The following SORCS2 variants were observed in gnomAD, a reference collection of about 807,000 sequenced individuals.
SORCS2 encodes sortilin related VPS10 domain containing receptor 2.
SORCS2 carries 100 observed loss-of-function variants against 141.6 expected under a neutral mutation model. The ratio of observed to expected loss-of-function variants is 0.71; its 90% CI spans 0.60 to 0.83. SORCS2 has a LOEUF of 0.83. SORCS2 is among the 40% of genes least tolerant of loss of function. The pLI, the probability that SORCS2 is intolerant of heterozygous loss-of-function variation, is 0.00. For synonymous variants in SORCS2, 789 were observed against 676.9 expected (o/e 1.17, Z -2.57); for missense variants, 1,646 against 1,560.2 (o/e 1.05, Z -0.93).
chr4:7,654,869 C>T (rs1028923012), intron 5 of SORCS2, among the ~76,000 whole-genome samples: 2 of 152,186 alleles, frequency 1.3e-5, no homozygotes, highest in Non-Finnish European at 2.9e-5. Flanking sequence ...CCACTGGGGG[C>T]CCCTGTGTTC....
chr4:7,355,588 G>C (rs531588833), intron 1 of SORCS2, among the ~76,000 whole-genome samples: 17 of 152,246 alleles, frequency 1.1e-4, no homozygotes, highest in African/African-American at 3.9e-4. Context: ...CACTTCTCCT[G>C]TGTGGGTCCG....
intron 18 of SORCS2, among the ~76,000 whole-genome samples, chr4:7,723,478 C>G (rs898054031): frequency 6.6e-6 from 1 of 152,192 alleles, no homozygotes; most frequent in Non-Finnish European, 1.5e-5. Context: ...TGGCCACAGC[C>G]CCTAGTTAAA....
chr4:7,445,354 T>G (rs1250243007), intron 2 of SORCS2, among the ~76,000 whole-genome samples: 1 of 151,490 alleles, frequency 6.6e-6, no homozygotes, highest in African/African-American at 2.4e-5. Flanking sequence ...GGAGCCAGGG[T>G]TGATGGGGGA....
intron 1 of SORCS2, among the ~76,000 whole-genome samples, chr4:7,219,657 C>T (rs1728578502): frequency 6.6e-6 from 1 of 152,216 alleles, no homozygotes; most frequent in African/African-American, 2.4e-5. Context: ...AACTCACTCA[C>T]TAATCCGAGA....
intron 1 of SORCS2, among the ~76,000 whole-genome samples, chr4:7,317,309 A>G (rs1409117219): frequency 1.3e-5 from 2 of 152,218 alleles, no homozygotes; most frequent in East Asian, 3.9e-4. Context: ...AAGACCCAAA[A>G]GATGAATAAG....
intron 5 of SORCS2, among the ~76,000 whole-genome samples, chr4:7,659,916 GA>G (rs1722041125): frequency 6.6e-6 from 1 of 152,200 alleles, no homozygotes; most frequent in Admixed American, 6.5e-5. Context: ...TGTTGCTTTG[GA>G]AATGACAGAA....
intron 1 of SORCS2, among the ~76,000 whole-genome samples, chr4:7,259,384 A>G (rs1421931015): frequency 6.6e-6 from 1 of 152,202 alleles, no homozygotes; most frequent in Non-Finnish European, 1.5e-5. Context: ...CACATTCTCA[A>G]GCACAGATAG....
At chr4:7,533,561 A>C (rs1711845143) in intron 3 of SORCS2, among the ~76,000 whole-genome samples, 1 of 152,090 alleles carries the variant, frequency 6.6e-6, no homozygotes, top group Non-Finnish European at 1.5e-5. Context: ...CTTTCTGGTC[A>C]CCAGCTGGGA....
At chr4:7,257,473 G>C (rs1283541780) in intron 1 of SORCS2, among the ~76,000 whole-genome samples, 1 of 152,124 alleles carries the variant, frequency 6.6e-6, no homozygotes, top group Non-Finnish European at 1.5e-5. Flanking sequence ...CATCGCGATG[G>C]TCACAGTGGC....
chr4:7,496,569 G>A (rs1160804867), intron 2 of SORCS2, among the ~76,000 whole-genome samples: 1 of 143,214 alleles, frequency 7.0e-6, no homozygotes, highest in African/African-American at 2.5e-5. Context: ...AATCAGTTGA[G>A]GGGAAAATGT....
At chr4:7,434,853 G>C (rs1417456320) in intron 2 of SORCS2, 1 of 1,583,432 alleles carries the variant, frequency 6.3e-7, no homozygotes, top group Non-Finnish European at 8.6e-7. Flanking sequence ...CCAGGAGGCT[G>C]GGCAGGAGGA....
rs1243339783 is a variant in SORCS2 at position 7,233,558 on chromosome 4, G to A, written c.480+40432G>A. 1.7e-4 allele frequency among the ~76,000 whole-genome samples: 26 copies of A among 152,194 alleles called. No individual in the cohort carries two copies. Among genetic ancestry groups the A allele is most frequent in the Admixed American group, 1.7e-3 (26 of 15,288 alleles). On this transcript the variant is annotated intron_variant, in intron 1 of 26. Transcript: ENST00000507866. This position sits in a 1 kb window ranked among gnomAD's most constrained non-coding sequence, Gnocchi z 4.5. ...GACACTGGCAGCTGTGGTGGTGGGT[G>A]GACGGGGTGGGTGCTGGGACGAGGA...
At chr4:7,441,279 A>G (rs997403225) in intron 2 of SORCS2, among the ~76,000 whole-genome samples, 1 of 152,014 alleles carries the variant, frequency 6.6e-6, no homozygotes, top group Non-Finnish European at 1.5e-5. Context: ...AAAGAGCCGC[A>G]CCCCAGGTGA....
chr4:7,563,778 C>A (rs944735669), intron 3 of SORCS2, among the ~76,000 whole-genome samples: 1 of 152,202 alleles, frequency 6.6e-6, no homozygotes, highest in African/African-American at 2.4e-5. Flanking sequence ...GCTTGTTTAT[C>A]TCATGTGCAC....
At chr4:7,359,116 C>T (rs368246040) in intron 1 of SORCS2, among the ~76,000 whole-genome samples, 10 of 152,232 alleles carry the variant, frequency 6.6e-5, no homozygotes, top group South Asian at 6.2e-4. Flanking sequence ...GCCAACATGG[C>T]GAAATCCTGC....
intron 2 of SORCS2, among the ~76,000 whole-genome samples, chr4:7,458,043 A>C (rs916429219): frequency 2.6e-5 from 4 of 152,220 alleles, no homozygotes; most frequent in African/African-American, 9.6e-5. Flanking sequence ...AAAACTGCCC[A>C]TTGACCTGGT....
At chr4:7,287,452 G>A (rs540533869) in intron 1 of SORCS2, among the ~76,000 whole-genome samples, 4 of 152,308 alleles carry the variant, frequency 2.6e-5, no homozygotes, top group South Asian at 4.1e-4. Context: ...GGGGCACATC[G>A]CCCTTGCCAC....
chr4:7,520,909 TGGGTGCCATGCCACCCCAACCCCTCTG>T (rs1371597397), intron 2 of SORCS2, among the ~76,000 whole-genome samples: 1 of 152,156 alleles, frequency 6.6e-6, no homozygotes, highest in Non-Finnish European at 1.5e-5. Flanking sequence ...ACGTGCAGGG[TGGGTGCCATGCCACCCCAACCCCTCTG>T]GGGCATTGGT....
Position 7,594,570 on chromosome 4 carries a change from G to A in SORCS2, c.649-43758G>A, listed in dbSNP as rs145906626. 5.9e-4 allele frequency among the ~76,000 whole-genome samples: 90 copies of A among 152,260 alleles called. No individual in the cohort carries two copies. In the South Asian group the frequency reaches 0.012, roughly 21 times the overall value. ...CACAGCAAACAGACCTGCCCAGGGC[G>A]CATCCTGGCTCTAGGACTCTGGGCT... is the stretch of plus-strand genomic sequence containing the variant. On this transcript the variant is annotated intron_variant, in intron 3 of 26. Transcript: ENST00000507866.
Sources: allele counts gnomAD v4.1 joint callset (sites outside exome capture counted in the v4.1 genomes callset), GRCh38; gene constraint gnomAD v4.1.1; non-coding constraint Gnocchi (gnomAD v3.1); transcripts MANE v1.5; gene names NCBI Gene and HGNC (gene_info 2026-07-23, HGNC 2026-07-21).